STK33: variants seen among roughly 807,000 people sequenced by gnomAD.
The protein encoded by STK33 is serine/threonine kinase 33, also known as serine/threonine-protein kinase 33.
In STK33, 52 loss-of-function variants were observed where a neutral mutation model predicts 58.0. That is an observed-to-expected ratio of 0.90 (90% CI 0.72 to 1.13). The LOEUF is 1.13. Among genes scored for constraint, STK33 ranks in the 50% most tolerant of loss-of-function variants. STK33 has a pLI of 0.00. For synonymous variants in STK33, 215 were observed against 200.1 expected, an observed-to-expected ratio of 1.07 and a Z score of -0.63; for missense variants, 630 against 604.2, an observed-to-expected ratio of 1.04 and a Z score of -0.45.
At chr11:8,460,544 G>A (rs1469202618) in intron 8 of STK33, among the ~76,000 whole-genome samples, 1 of 152,044 alleles carries the variant, frequency 6.6e-6, no homozygotes, top group South Asian at 2.1e-4. Flanking sequence ...GAGCATCAGT[G>A]AACTGTGGAC....
intron 1 of STK33, among the ~76,000 whole-genome samples, chr11:8,570,286 G>A (rs1400234750): frequency 6.6e-6 from 1 of 152,186 alleles, no homozygotes; most frequent in African/African-American, 2.4e-5. Flanking sequence ...AAGGATGTAA[G>A]GTTCTTGCAA....
chr11:8,371,973 C>T, the STK33 span, among the ~76,000 whole-genome samples: 1 of 151,774 alleles, frequency 6.6e-6, no homozygotes, highest in African/African-American at 2.4e-5. Context: ...GTAGCCTTGA[C>T]TTCTTGGGCT....
chr11:8,468,348 T>A (rs1413012349), intron 6 of STK33, among the ~76,000 whole-genome samples: 1 of 152,174 alleles, frequency 6.6e-6, no homozygotes, highest in Non-Finnish European at 1.5e-5. Context: ...AAGATGAGAT[T>A]TGGGTGGGGA....
rs371197452 is a variant in STK33 at position 8,412,827 on chromosome 11, C to A, written c.1344+668G>T. 7.2e-5 allele frequency among the ~76,000 whole-genome samples: 11 copies of A among 152,256 alleles called. No individual in the cohort carries two copies. The South Asian group carries it at 2.3e-3, about 32-fold the overall frequency. The stretch of plus-strand genomic sequence containing the variant: ...ACAAACAAGGAAGCAGGGAAGAGGA[C>A]CTTTGGGTAAACTTTGTCAGGATAT... On this transcript the variant is annotated intron_variant, in intron 15 of 15. Coordinates refer to ENST00000687296, the MANE Select transcript of STK33 (RefSeq NM_001352389.2).
chr11:8,519,405 G>A (rs1165929446), intron 1 of STK33, among the ~76,000 whole-genome samples: 5 of 152,130 alleles, frequency 3.3e-5, no homozygotes, highest in Non-Finnish European at 7.3e-5. Flanking sequence ...ATCTAAAATT[G>A]ACACCCTAAC....
At chr11:8,389,434 A>C (rs1848588099), downstream of STK33, among the ~76,000 whole-genome samples, 1 of 152,350 alleles carries the variant, frequency 6.6e-6, no homozygotes, top group East Asian at 1.9e-4. Context: ...CTCTGGGCAG[A>C]GACGGCAGAG....
At chr11:8,378,179 T>G in the STK33 span, among the ~76,000 whole-genome samples, 3 of 152,196 alleles carry the variant, frequency 2.0e-5, no homozygotes, top group African/African-American at 7.2e-5. Context: ...AATGCATCCT[T>G]CTTCACATGG....
At chr11:8,544,362 T>C (rs1955756269) in intron 1 of STK33, among the ~76,000 whole-genome samples, 1 of 148,090 alleles carries the variant, frequency 6.8e-6, no homozygotes, top group African/African-American at 2.5e-5. Flanking sequence ...TATATATATG[T>C]AATACATGTA....
At chr11:8,435,122 C>G (rs1943908509) in intron 14 of STK33, among the ~76,000 whole-genome samples, 1 of 152,184 alleles carries the variant, frequency 6.6e-6, no homozygotes, top group South Asian at 2.1e-4. Context: ...CAAAGATTTT[C>G]TACACCCCAA....
chr11:8,426,587 C>T (rs1046624175), intron 14 of STK33, among the ~76,000 whole-genome samples: 3 of 152,116 alleles, frequency 2.0e-5, no homozygotes, highest in Admixed American at 6.5e-5. Flanking sequence ...CATGCCCAGC[C>T]TGTTTTCTCT....
chr11:8,523,196 C>A (rs1052548204), intron 1 of STK33, among the ~76,000 whole-genome samples: 56 of 152,194 alleles, frequency 3.7e-4, no homozygotes, highest in Non-Finnish European at 6.5e-4. Context: ...GAGATTGCAG[C>A]CTCTGCCCAG....
chr11:8,387,794 ACCCCACCCG>A (rs926039418), downstream of STK33, among the ~76,000 whole-genome samples: 77 of 146,898 alleles, frequency 5.2e-4, no homozygotes, highest in Admixed American at 2.5e-3. Flanking sequence ...TCCATCTTCC[ACCCCACCCG>A]CCCCACCCTT....
At position 8,463,284 on chromosome 11, in the gene STK33, A is replaced by T. The variant is rs147143453; in HGVS notation, c.454-1375T>A. On this transcript the variant is annotated intron_variant, in intron 7 of 15. Coordinates refer to ENST00000687296, the MANE Select transcript of STK33 (RefSeq NM_001352389.2). ...TCAGAGTGAAACTGTTCTACCTCAG[A>T]TCATCAGGCATTAGTTGGATTCTCA... Among the ~76,000 whole-genome samples the T allele has an allele frequency of 7.9e-5, 12 of 152,278 alleles. No homozygotes were observed. The South Asian group carries it at 1.5e-3, about 18-fold the overall frequency.
intron 6 of STK33, among the ~76,000 whole-genome samples, chr11:8,471,826 G>A (rs1268529434): frequency 1.3e-5 from 2 of 152,130 alleles, no homozygotes; most frequent in East Asian, 1.9e-4. Context: ...GTTATATCTG[G>A]TTGATAATTT....
intron 1 of STK33, among the ~76,000 whole-genome samples, chr11:8,526,254 C>T (rs1954011384): frequency 6.6e-6 from 1 of 151,858 alleles, no homozygotes; most frequent in Admixed American, 6.6e-5. Context: ...ATTAGCTGGT[C>T]ATGGTGTCAA....
At chr11:8,421,281 A>G (rs758158651) in intron 14 of STK33, among the ~76,000 whole-genome samples, 3 of 152,206 alleles carry the variant, frequency 2.0e-5, no homozygotes, top group Non-Finnish European at 2.9e-5. Context: ...GGTTTTTACT[A>G]TAAGTCCCTG....
At chr11:8,386,584 C>T in the STK33 span, among the ~76,000 whole-genome samples, 1 of 152,180 alleles carries the variant, frequency 6.6e-6, no homozygotes, top group Non-Finnish European at 1.5e-5. Flanking sequence ...GGGGAGGTGG[C>T]ACCATCCCCC....
chr11:8,363,586 G>A, the STK33 span, among the ~76,000 whole-genome samples: 3 of 152,186 alleles, frequency 2.0e-5, no homozygotes, highest in Admixed American at 6.5e-5. Context: ...TCTTCCCAGC[G>A]TTGTCTCTGT....
At chr11:8,475,656 T>C (rs778291117) in intron 4 of STK33, 2 of 152,158 alleles carry the variant, frequency 1.3e-5, no homozygotes, top group Admixed American at 6.5e-5. Context: ...GTGGGTGCTA[T>C]TTTTCCCTGA....
Sources: gnomAD v4.1 joint callset for allele counts (sites outside exome capture counted in the v4.1 genomes callset) on GRCh38, gnomAD v4.1.1 for gene constraint, MANE v1.5 for transcripts, NCBI Gene and HGNC (gene_info 2026-07-23, HGNC 2026-07-21) for gene names.